HMG20A: variants seen among roughly 807,000 people sequenced by gnomAD.
HMG20A encodes the protein high mobility group protein 20A.
HMG20A carries 17 observed loss-of-function variants against 43.9 expected under a neutral mutation model. That is an observed-to-expected ratio of 0.39 (90% CI 0.27 to 0.58). The LOEUF (loss-of-function observed/expected upper bound fraction) is 0.58. Ranked by LOEUF, HMG20A falls within the 20% of genes least tolerant of loss-of-function variation. The pLI is 0.59. For synonymous variants in HMG20A, 132 were observed against 147.5 expected, an observed-to-expected ratio of 0.89 and a Z score of 0.76; for missense variants, 341 against 438.2, an observed-to-expected ratio of 0.78 and a Z score of 1.98.
chr15:77,445,631 C>T (rs2073664891), intron 1 of HMG20A, among the ~76,000 whole-genome samples: 1 of 152,152 alleles, frequency 6.6e-6, no homozygotes, highest in South Asian at 2.1e-4. Flanking sequence ...AAGCACTTTA[C>T]AGCTTCTCTT....
the HMG20A span, among the ~76,000 whole-genome samples, chr15:77,511,317 G>A: frequency 6.6e-6 from 1 of 152,072 alleles, no homozygotes; most frequent in African/African-American, 2.4e-5. Flanking sequence ...CTTGGCTCTG[G>A]ACACTGAGAA....
chr15:77,433,434 C>T (rs2073510874), intron 1 of HMG20A, among the ~76,000 whole-genome samples: 1 of 152,012 alleles, frequency 6.6e-6, no homozygotes, highest in Non-Finnish European at 1.5e-5. Context: ...AGAAATAACC[C>T]CAGTGTTACT....
Position 77,479,289 on chromosome 15 carries a change from G to C in HMG20A, c.1018G>C (p.Glu340Gln). The C allele has an allele frequency of 6.2e-7, 1 of 1,614,078 alleles. No individual in the cohort carries two copies. The highest frequency in any genetic ancestry group is 8.5e-7 in the Non-Finnish European group (1 of 1,179,988). The change falls in exon 9 of 10, where the codon GAA becomes CAA. Residue 340 changes from glutamate to glutamine, a missense_variant. By Grantham distance (29) the Glu-to-Gln change is conservative. This residue lies in a region of HMG20A where 118 missense variants were observed against 154.5 expected (regional missense o/e 0.76). Transcript: ENST00000336216. Reference protein sequence around the residue: ...DNENFIATVREVVNRLDR With the variant: ...DNENFIATVRQVVNRLDR Reference sequence around the variant, plus strand: ...TGAAAACTTCATAGCTACAGTTCGAGAAGTTGTGAACAGACTCGATCGTTA... The same window carrying C: ...TGAAAACTTCATAGCTACAGTTCGACAAGTTGTGAACAGACTCGATCGTTA...
intron 1 of HMG20A, among the ~76,000 whole-genome samples, chr15:77,422,474 G>A (rs1324776967): frequency 6.6e-6 from 1 of 152,146 alleles, no homozygotes; most frequent in Non-Finnish European, 1.5e-5. Context: ...AAATTAGCTG[G>A]GCGTGGTGGC....
In HMG20A at chr15:77,471,054, A is replaced by G. The variant is rs781681662; in HGVS notation, c.583+12A>G. 3.7e-6 allele frequency: 6 copies of G among 1,606,528 alleles called. No homozygotes were observed. In the East Asian group the frequency reaches 8.9e-5, roughly 24 times the overall value. ...ATCTCATAGGCAAGGTATCAAAACC[A>G]GAACCAAATGTATTTGTAGTTTGTT... On this transcript the variant is annotated intron_variant, in intron 5 of 9. Coordinates refer to ENST00000336216, the MANE Select transcript of HMG20A (RefSeq NM_001304504.2).
At chr15:77,467,669 C>T (rs1416342663) in intron 4 of HMG20A, among the ~76,000 whole-genome samples, 2 of 152,180 alleles carry the variant, frequency 1.3e-5, no homozygotes, top group African/African-American at 2.4e-5. Flanking sequence ...AGTCACTTGA[C>T]ACAATTCTGC....
chr15:77,444,530 A>G (rs1567394845), intron 1 of HMG20A, among the ~76,000 whole-genome samples: 1 of 152,248 alleles, frequency 6.6e-6, no homozygotes, highest in Non-Finnish European at 1.5e-5. Context: ...TCACCTTGAA[A>G]AAAAGAAACA....
chr15:77,446,083 G>C lies in HMG20A; in HGVS notation c.-4-12321G>C, dbSNP rs149101046. 2.6e-5 allele frequency among the ~76,000 whole-genome samples: 4 copies of C among 152,098 alleles called. 1 individual carries two copies. Among genetic ancestry groups the C allele is most frequent in the Admixed American group, 2.0e-4 (3 of 15,278 alleles). On this transcript the variant is annotated intron_variant, in intron 1 of 9. Transcript: ENST00000336216. Reference sequence around the variant, plus strand: ...TTAGTATGAATCTGGATTTTCAAACGTGTAAGGACCCAGAGCTGTGTGGTC... The same window carrying C: ...TTAGTATGAATCTGGATTTTCAAACCTGTAAGGACCCAGAGCTGTGTGGTC...
chr15:77,517,363 AC>A, the HMG20A span, among the ~76,000 whole-genome samples: 1 of 152,050 alleles, frequency 6.6e-6, no homozygotes, highest in African/African-American at 2.4e-5. Context: ...GCAGGTATTT[AC>A]TGAATGCTTG....
intron 1 of HMG20A, among the ~76,000 whole-genome samples, chr15:77,426,700 T>A (rs2073431461): frequency 6.6e-6 from 1 of 152,106 alleles, no homozygotes; most frequent in Non-Finnish European, 1.5e-5. Context: ...GGGGTCAGTT[T>A]TATGGTATGT....
chr15:77,518,103 G>T, the HMG20A span, among the ~76,000 whole-genome samples: 1 of 152,138 alleles, frequency 6.6e-6, no homozygotes. Context: ...AAGGGTCTTG[G>T]GCTGAGCAGC....
At position 77,461,791 on chromosome 15, in the gene HMG20A, T is replaced by C. The variant is rs1471975526; in HGVS notation, c.90-2449T>C. Among the ~76,000 whole-genome samples, 3 of 152,182 alleles carry C rather than the reference T, an allele frequency of 2.0e-5. No individual in the cohort carries two copies. The East Asian group carries it at 5.8e-4, about 29-fold the overall frequency. ...CTCATATTTTACCAAAATAAGAATT[T>C]ACAAGAATTAGTAACTTAAAAATTG... On this transcript the variant is annotated intron_variant, in intron 2 of 9. Coordinates refer to ENST00000336216, the MANE Select transcript of HMG20A (RefSeq NM_001304504.2).
At chr15:77,509,460 G>A in the HMG20A span, among the ~76,000 whole-genome samples, 2 of 151,634 alleles carry the variant, frequency 1.3e-5, no homozygotes, top group South Asian at 4.2e-4. Flanking sequence ...ACACCATGTT[G>A]CTCAGGCTGA....
chr15:77,490,159 G>A (rs112455507), downstream of HMG20A, among the ~76,000 whole-genome samples: 51 of 152,134 alleles, frequency 3.4e-4, 2 homozygotes, highest in African/African-American at 1.1e-3. Context: ...GTGGTGGCGC[G>A]CATCTGTAAT....
downstream of HMG20A, among the ~76,000 whole-genome samples, chr15:77,490,001 C>T (rs763301500): frequency 4.6e-5 from 7 of 152,062 alleles, no homozygotes; most frequent in Non-Finnish European, 8.8e-5. Flanking sequence ...CTAGGCCGGG[C>T]GTGGTGGCTC....
chr15:77,434,930 A>G lies in HMG20A; in HGVS notation c.-5+13926A>G, dbSNP rs62007306. 2.3e-3 allele frequency among the ~76,000 whole-genome samples: 345 copies of G among 152,320 alleles called. 3 individuals are homozygous for G. Among genetic ancestry groups the G allele is most frequent in the Non-Finnish European group, 2.2e-3 (149 of 68,028 alleles). On this transcript the variant is annotated intron_variant, in intron 1 of 9. Coordinates refer to ENST00000336216, the MANE Select transcript of HMG20A (RefSeq NM_001304504.2). ...GTTCACCAAAAGACACAAATGGACA[A>G]GAATGTTCATAGTAGCATCATTCTT... is the stretch of plus-strand genomic sequence containing the variant.
At chr15:77,439,307 A>G (rs1403066498) in intron 1 of HMG20A, among the ~76,000 whole-genome samples, 2 of 152,190 alleles carry the variant, frequency 1.3e-5, no homozygotes, top group South Asian at 2.1e-4. Context: ...TGGTACATAC[A>G]GTAAAGTACA....
chr15:77,476,572 G>T (rs1268095440), intron 6 of HMG20A, among the ~76,000 whole-genome samples: 3 of 150,698 alleles, frequency 2.0e-5, no homozygotes, highest in African/African-American at 7.3e-5. Context: ...ATTGTTTATA[G>T]GAATGAAATC....
the HMG20A span, among the ~76,000 whole-genome samples, chr15:77,512,047 G>A: frequency 2.6e-5 from 4 of 152,164 alleles, no homozygotes; most frequent in Non-Finnish European, 5.9e-5. Flanking sequence ...ACAAACTGTG[G>A]TATAACCATA....
Sources: allele counts gnomAD v4.1 joint callset (sites outside exome capture counted in the v4.1 genomes callset), GRCh38; gene constraint gnomAD v4.1.1; regional missense constraint gnomAD v4.1.1; transcripts MANE v1.5; gene names NCBI Gene and HGNC (gene_info 2026-07-23, HGNC 2026-07-21).